FAM13A: variants seen among roughly 807,000 people sequenced by gnomAD.
FAM13A encodes the protein family with sequence similarity 13 member A.
Under a neutral mutation model 129.6 loss-of-function variants are expected in FAM13A, and 76 were observed. The ratio of observed to expected loss-of-function variants is 0.59; its 90% CI spans 0.49 to 0.71. FAM13A has a LOEUF of 0.71. Among genes scored for constraint, FAM13A ranks in the 30% least tolerant of loss-of-function variants. The pLI is 0.00. For synonymous variants in FAM13A, 443 were observed against 449.9 expected, an observed-to-expected ratio of 0.98 and a Z score of 0.20; for missense variants, 1,108 against 1,249.3, an observed-to-expected ratio of 0.89 and a Z score of 1.70.
chr4:88,815,602 C>A (rs190729497), intron 7 of FAM13A, among the ~76,000 whole-genome samples: 1 of 152,164 alleles, frequency 6.6e-6, no homozygotes, highest in African/African-American at 2.4e-5. Context: ...GGACATAGAT[C>A]AAAAGATTCA....
intron 6 of FAM13A, among the ~76,000 whole-genome samples, chr4:88,863,982 A>G (rs1739955155): frequency 6.6e-6 from 1 of 152,236 alleles, no homozygotes; most frequent in Non-Finnish European, 1.5e-5. Context: ...GAAGATAATC[A>G]AACAGGGTTG....
intron 4 of FAM13A, among the ~76,000 whole-genome samples, chr4:88,965,291 C>T (rs1394355888): frequency 6.6e-6 from 1 of 152,208 alleles, no homozygotes; most frequent in Admixed American, 6.5e-5. Flanking sequence ...AAAGTAGACT[C>T]TGGGTTTGTT....
chr4:89,041,079 A>C (rs963807084), intron 1 of FAM13A, among the ~76,000 whole-genome samples: 3 of 152,192 alleles, frequency 2.0e-5, no homozygotes, highest in Non-Finnish European at 4.4e-5. Flanking sequence ...CCTACTTAAA[A>C]GTGTTATGAG....
chr4:89,033,417 C>T (rs531176923), intron 1 of FAM13A, among the ~76,000 whole-genome samples: 49 of 152,156 alleles, frequency 3.2e-4, no homozygotes, highest in South Asian at 1.2e-3. Flanking sequence ...TGCTCCAGTT[C>T]GCATAAGAAA....
Position 88,811,830 on chromosome 4 carries a change from A to G in FAM13A, c.1008-6778T>C, listed in dbSNP as rs142005986. 2.1e-3 allele frequency among the ~76,000 whole-genome samples: 322 copies of G among 152,304 alleles called. 4 individuals are homozygous for G. The highest frequency in any genetic ancestry group is 0.015 in the East Asian group (80 of 5,186). ...TTCCTTAACGACTTTTATCCCTGCT[A>G]TAGTTTAAATGTGTCTCCCAAAGTT... On this transcript the variant is annotated intron_variant, in intron 7 of 23. Transcript: ENST00000264344.
chr4:88,808,419 A>G (rs1729010240), intron 7 of FAM13A, among the ~76,000 whole-genome samples: 1 of 152,170 alleles, frequency 6.6e-6, no homozygotes, highest in Non-Finnish European at 1.5e-5. Flanking sequence ...TACAGGCTCC[A>G]AAACATCTTT....
At chr4:88,767,525 G>T (rs568603261) in intron 13 of FAM13A, 28 bp downstream of exon 13, 1 of 1,572,560 alleles carries the variant, frequency 6.4e-7, no homozygotes, top group Non-Finnish European at 8.6e-7. Flanking sequence ...CCCCGTCACA[G>T]TCTTACTCTT....
chr4:89,040,734 T>C (rs549100145), intron 1 of FAM13A, among the ~76,000 whole-genome samples: 2 of 152,314 alleles, frequency 1.3e-5, no homozygotes, highest in South Asian at 2.1e-4. Context: ...TGATGATTAA[T>C]ATTGAGTGTC....
chr4:88,909,094 T>C (rs1748618149), intron 5 of FAM13A, among the ~76,000 whole-genome samples: 1 of 152,366 alleles, frequency 6.6e-6, no homozygotes, highest in East Asian at 1.9e-4. Context: ...TTTGTACATA[T>C]GTATCTGAGA....
Position 88,781,252 on chromosome 4 carries a change from A to C in FAM13A, c.1371T>G (p.Phe457Leu). Residue 457 changes from phenylalanine to leucine, a missense_variant, in exon 11 of 24, where the codon TTT becomes TTG. By Grantham distance (22) the Phe-to-Leu change is conservative. Around this residue, in one of 3 missense-constraint regions of FAM13A, gnomAD observed 566 missense variants for 595.7 expected, o/e 0.95. Coordinates refer to ENST00000264344, the MANE Select transcript of FAM13A (RefSeq NM_014883.4). ...QEVEKVHKNT[F>L]GCAGERSKPK... The stretch of plus-strand genomic sequence containing the variant: ...GCTTGCTCCTTTCTCCAGCACAACC[A>C]AAAGTATTTTTGTGTACCTTTTCGA... The C allele has an allele frequency of 6.2e-7, 1 of 1,612,954 alleles. No individual in the cohort carries two copies. Among genetic ancestry groups the C allele is most frequent in the Non-Finnish European group, 8.5e-7 (1 of 1,179,352 alleles).
At chr4:88,912,495 T>C (rs1239272588) in intron 5 of FAM13A, among the ~76,000 whole-genome samples, 1 of 152,088 alleles carries the variant, frequency 6.6e-6, no homozygotes, top group Admixed American at 6.6e-5. Context: ...CAGCATATTA[T>C]AGAGCTCTTC....
intron 17 of FAM13A, among the ~76,000 whole-genome samples, chr4:88,748,084 G>T (rs1206754454): frequency 3.9e-5 from 6 of 151,982 alleles, no homozygotes; most frequent in Non-Finnish European, 1.5e-5. Context: ...AGTAGAGACG[G>T]GGTTTCACCA....
At chr4:88,963,637 A>G (rs1197866203) in intron 4 of FAM13A, among the ~76,000 whole-genome samples, 1 of 152,168 alleles carries the variant, frequency 6.6e-6, no homozygotes, top group Non-Finnish European at 1.5e-5. Context: ...TAATACCTCT[A>G]TAGAATGGCT....
intron 2 of FAM13A, among the ~76,000 whole-genome samples, chr4:89,026,884 C>T (rs1265067124): frequency 6.6e-6 from 1 of 152,180 alleles, no homozygotes; most frequent in Non-Finnish European, 1.5e-5. Context: ...TAACCATCAG[C>T]AGAATGAATA....
At chr4:89,035,399 C>A (rs1430423715) in intron 1 of FAM13A, among the ~76,000 whole-genome samples, 1 of 150,620 alleles carries the variant, frequency 6.6e-6, no homozygotes, top group Non-Finnish European at 1.5e-5. Context: ...TCACTATGTA[C>A]TCTTAGCTAC....
At chr4:88,773,544 G>A (rs1191786179) in intron 11 of FAM13A, among the ~76,000 whole-genome samples, 3 of 152,062 alleles carry the variant, frequency 2.0e-5, no homozygotes, top group Admixed American at 1.3e-4. Flanking sequence ...ACTGGAGATC[G>A]GCAGCAGCTC....
In FAM13A at chr4:88,781,324, A is replaced by G; in HGVS notation, c.1299T>C (p.Pro433=). The G allele has an allele frequency of 6.2e-7, 1 of 1,606,392 alleles. No individual in the cohort carries two copies. Among genetic ancestry groups the G allele is most frequent in the Non-Finnish European group, 8.5e-7 (1 of 1,176,858 alleles). Residue 433 remains proline (P), a synonymous_variant, in exon 11 of 24, where the codon CCT becomes CCC. Coordinates refer to ENST00000264344, the MANE Select transcript of FAM13A (RefSeq NM_014883.4). ...DKGLINKENT[P]SGFNHLDDCI... ...AATCATCAAGGTGGTTGAACCCAGA[A>G]GGAGTATTTTCTTTGTTGATAAGTC... is the stretch of plus-strand genomic sequence containing the variant.
intron 7 of FAM13A, among the ~76,000 whole-genome samples, chr4:88,822,135 G>A (rs1453052048): frequency 6.6e-6 from 1 of 151,782 alleles, no homozygotes; most frequent in African/African-American, 2.4e-5. Flanking sequence ...ACATTTCTAT[G>A]GAATGAAATG....
intron 4 of FAM13A, among the ~76,000 whole-genome samples, chr4:88,975,061 C>A (rs1411409752): frequency 6.6e-6 from 1 of 151,900 alleles, no homozygotes; most frequent in Non-Finnish European, 1.5e-5. Context: ...ATACATTTAC[C>A]AAATAAGTAA....
Sources: gnomAD v4.1 joint callset for allele counts (sites outside exome capture counted in the v4.1 genomes callset) on GRCh38, gnomAD v4.1.1 for gene constraint, gnomAD v4.1.1 regional missense constraint, MANE v1.5 for transcripts, NCBI Gene and HGNC (gene_info 2026-07-23, HGNC 2026-07-21) for gene names.